The following CPNE4 variants were observed in gnomAD, a reference collection of about 807,000 sequenced individuals.
The protein encoded by CPNE4 is copine-4.
In CPNE4, 25 loss-of-function variants were observed where a neutral mutation model predicts 67.9. The ratio of observed to expected loss-of-function variants is 0.37; its 90% confidence interval spans 0.27 to 0.51. CPNE4 has a LOEUF of 0.51. Ranked by LOEUF, CPNE4 falls within the 20% of genes least tolerant of loss-of-function variation. The probability of loss-of-function intolerance (pLI) is 0.93; values close to 1 mark genes in which losing one functional copy is unlikely to be tolerated. For synonymous variants in CPNE4, 242 were observed against 244.9 expected (o/e 0.99, Z 0.11); for missense variants, 464 against 690.8 (o/e 0.67, Z 3.68).
intron 1 of CPNE4, among the ~76,000 whole-genome samples, chr3:131,909,316 C>T (rs2088889514): frequency 6.6e-6 from 1 of 152,118 alleles, no homozygotes; most frequent in Admixed American, 6.6e-5. Flanking sequence ...CATCAGCTGG[C>T]TCTATGGGAA....
At chr3:131,617,570 T>C (rs1029644620) in intron 7 of CPNE4, among the ~76,000 whole-genome samples, 10 of 152,228 alleles carry the variant, frequency 6.6e-5, no homozygotes, top group African/African-American at 2.2e-4. Flanking sequence ...TAGACTAAAA[T>C]TTTCAATAGA....
intron 2 of CPNE4, among the ~76,000 whole-genome samples, chr3:131,857,732 C>T (rs755797568): frequency 1.3e-5 from 2 of 152,050 alleles, no homozygotes; most frequent in African/African-American, 2.4e-5. Context: ...GAGGGAAACC[C>T]TGTTACGGCC....
chr3:131,745,788 A>T (rs1292424661), intron 2 of CPNE4, among the ~76,000 whole-genome samples: 1 of 152,074 alleles, frequency 6.6e-6, no homozygotes, highest in Non-Finnish European at 1.5e-5. Context: ...CACAGTCTTG[A>T]TTACTGTTGC....
intron 7 of CPNE4, among the ~76,000 whole-genome samples, chr3:131,629,273 G>A (rs1373925993): frequency 6.6e-6 from 1 of 152,138 alleles, no homozygotes; most frequent in Non-Finnish European, 1.5e-5. Flanking sequence ...TTAGATTTGG[G>A]AGGGGACGCA....
chr3:132,001,555 GAA>G (rs1311106508), intron 1 of CPNE4, among the ~76,000 whole-genome samples: 1 of 57,054 alleles, frequency 1.8e-5, no homozygotes, highest in Non-Finnish European at 3.6e-5. Context: ...AGAAAAAAGA[GAA>G]AGAAAGAAAG....
intron 3 of CPNE4, among the ~76,000 whole-genome samples, chr3:131,720,069 T>C (rs1456159165): frequency 4.6e-5 from 7 of 152,040 alleles, no homozygotes; most frequent in East Asian, 3.9e-4. Flanking sequence ...GAGTGGGTGA[T>C]TGGGTATTAA....
chr3:131,620,094 A>AG (rs1940382744), intron 7 of CPNE4, among the ~76,000 whole-genome samples: 1 of 152,204 alleles, frequency 6.6e-6, no homozygotes, highest in African/African-American at 2.4e-5. Context: ...TGAGCATCCC[A>AG]GGAGAGTTTT....
At chr3:131,945,893 C>A (rs1331497528) in intron 1 of CPNE4, among the ~76,000 whole-genome samples, 1 of 152,176 alleles carries the variant, frequency 6.6e-6, no homozygotes, top group Non-Finnish European at 1.5e-5. Context: ...TGGAGGCCAG[C>A]AGTGCACAAC....
At chr3:131,866,660 A>T (rs973573894) in intron 2 of CPNE4, among the ~76,000 whole-genome samples, 14 of 152,204 alleles carry the variant, frequency 9.2e-5, no homozygotes, top group Non-Finnish European at 2.1e-4. Context: ...AAAAATAAAC[A>T]ATGGAATCGG....
chr3:131,792,145 T>C (rs956835618), intron 2 of CPNE4, among the ~76,000 whole-genome samples: 2 of 152,118 alleles, frequency 1.3e-5, no homozygotes, highest in Non-Finnish European at 2.9e-5. Flanking sequence ...TGAAATGATA[T>C]AGGGGTGTTG....
chr3:131,542,829 G>A, intron 14 of CPNE4, 36 bp from the exon 15 acceptor site: 2 of 1,412,790 alleles, frequency 1.4e-6, no homozygotes, highest in African/African-American at 1.5e-5. Context: ...GGGGGGGGGT[G>A]AAGAGGTGAG....
intron 7 of CPNE4, among the ~76,000 whole-genome samples, chr3:131,646,302 A>T (rs1481417551): frequency 1.3e-5 from 2 of 152,192 alleles, no homozygotes; most frequent in African/African-American, 4.8e-5. Flanking sequence ...TCCTGTTTTC[A>T]TAACTTTCAT....
chr3:132,003,283 G>A (rs2073502682), intron 1 of CPNE4, among the ~76,000 whole-genome samples: 1 of 152,066 alleles, frequency 6.6e-6, no homozygotes, highest in Non-Finnish European at 1.5e-5. Context: ...ACAAGTGAGG[G>A]AGGACAGGGT....
At chr3:131,792,835 G>T (rs1161888746) in intron 2 of CPNE4, among the ~76,000 whole-genome samples, 5 of 147,286 alleles carry the variant, frequency 3.4e-5, no homozygotes, top group Non-Finnish European at 6.0e-5. Context: ...TAATGAGTGC[G>T]TGTGTGTATA....
At chr3:131,847,531 C>T (rs1005022325) in intron 2 of CPNE4, among the ~76,000 whole-genome samples, 3 of 151,946 alleles carry the variant, frequency 2.0e-5, no homozygotes, top group Non-Finnish European at 4.4e-5. Flanking sequence ...GAATGGGGGT[C>T]GATAGGTAGT....
chr3:131,734,543 T>C (rs534127256), intron 2 of CPNE4, among the ~76,000 whole-genome samples: 28 of 152,154 alleles, frequency 1.8e-4, no homozygotes, highest in Non-Finnish European at 3.7e-4. Flanking sequence ...CATCTATTCC[T>C]GAGGTTTAAT....
chr3:131,643,951 T>C (rs2107798799), intron 7 of CPNE4, among the ~76,000 whole-genome samples: 1 of 152,298 alleles, frequency 6.6e-6, no homozygotes, highest in East Asian at 1.9e-4. Context: ...TCTTTCCATA[T>C]AAATCACCCA....
intron 5 of CPNE4, among the ~76,000 whole-genome samples, chr3:131,691,798 G>A (rs2081040486): frequency 6.6e-6 from 1 of 152,092 alleles, no homozygotes. Context: ...AATATCAGGG[G>A]TGATTACTAT....
intron 6 of CPNE4, among the ~76,000 whole-genome samples, chr3:131,672,050 C>T (rs2080431764): frequency 6.6e-6 from 1 of 152,006 alleles, no homozygotes; most frequent in South Asian, 2.1e-4. Flanking sequence ...TATTTAGCTC[C>T]CACAAATAAG....
Sources: allele counts gnomAD v4.1 joint callset (sites outside exome capture counted in the v4.1 genomes callset), GRCh38; gene constraint gnomAD v4.1.1; transcripts MANE v1.5; gene names NCBI Gene and HGNC (gene_info 2026-07-23, HGNC 2026-07-21).